DMXL1: variants seen among roughly 807,000 people sequenced by gnomAD.
The protein encoded by DMXL1 is Dmx like 1.
Under a neutral mutation model 319.2 loss-of-function variants are expected in DMXL1, and 99 were observed. That is an observed-to-expected ratio of 0.31 (90% CI 0.26 to 0.37). The LOEUF is 0.37. Ranked by LOEUF, DMXL1 falls within the 10% of genes least tolerant of loss-of-function variation. The pLI is 1.00. For missense variants in DMXL1, 3,745 were observed against 3,595.6 expected (o/e 1.04, Z -1.06); for synonymous variants, 1,385 against 1,235.2 (o/e 1.12, Z -2.54).
In DMXL1 at chr5:119,170,174, A is replaced by G. The variant is rs1194979679; in HGVS notation, c.5399-16A>G. The G allele has an allele frequency of 1.9e-6, 3 of 1,576,934 alleles. No individual in the cohort carries two copies. Among genetic ancestry groups the G allele is most frequent in the East Asian group, 2.2e-5 (1 of 44,666 alleles). ...TTCATAACTTTTCTTGGCTCATAAA[A>G]TGAATTTACTTTCAGATCAAGTTTT... is the stretch of plus-strand genomic sequence containing the variant. On this transcript the variant is annotated splice_polypyrimidine_tract_variant and intron_variant, in intron 23 of 43. Transcript: ENST00000539542.
chr5:119,208,110 TG>T (rs1221251248), intron 34 of DMXL1, among the ~76,000 whole-genome samples: 2 of 152,060 alleles, frequency 1.3e-5, no homozygotes, highest in Admixed American at 1.3e-4. Flanking sequence ...TAGTGGCCTT[TG>T]GGGGTTTTGA....
chr5:119,132,849 T>C (rs1465957877), intron 10 of DMXL1: 2 of 567,474 alleles, frequency 3.5e-6, no homozygotes, highest in East Asian at 7.4e-5. Context: ...AGTTTTCTCC[T>C]TTCATCTGTG....
intron 19 of DMXL1, among the ~76,000 whole-genome samples, chr5:119,160,231 G>C (rs776354594): frequency 1.3e-5 from 2 of 151,908 alleles, no homozygotes; most frequent in African/African-American, 4.8e-5. Context: ...AGCATATTCT[G>C]TTTTTGTATT....
intron 1 of DMXL1, among the ~76,000 whole-genome samples, chr5:119,086,035 T>C (rs1242416601): frequency 1.3e-5 from 2 of 152,156 alleles, no homozygotes; most frequent in African/African-American, 4.8e-5. Context: ...GATAAAGACA[T>C]ACCCAAGACT....
intron 25 of DMXL1, among the ~76,000 whole-genome samples, chr5:119,172,369 T>C (rs1291558386): frequency 6.6e-6 from 1 of 152,160 alleles, no homozygotes; most frequent in Non-Finnish European, 1.5e-5. Context: ...AAATCCACAT[T>C]TTAAGGATAA....
At chr5:119,185,308 C>T (rs761507290) in intron 28 of DMXL1, among the ~76,000 whole-genome samples, 55 of 152,186 alleles carry the variant, frequency 3.6e-4, no homozygotes, top group Non-Finnish European at 4.4e-4. Context: ...TCATTTTGTA[C>T]AACTACCGTG....
intron 19 of DMXL1, among the ~76,000 whole-genome samples, chr5:119,161,970 A>C (rs1225663557): frequency 1.3e-5 from 2 of 152,158 alleles, no homozygotes; most frequent in Non-Finnish European, 2.9e-5. Flanking sequence ...TTTCTACGCA[A>C]CACCAGATGA....
chr5:119,248,480 C>T lies in DMXL1; in HGVS notation c.*1261C>T, dbSNP rs1271224883. On this transcript the variant is annotated 3_prime_UTR_variant, in exon 44 of 44. Coordinates refer to ENST00000539542, the MANE Select transcript of DMXL1 (RefSeq NM_001290321.3). ...AACTTGATAAATACTTGATTTTAAC[C>T]AATGAGACTACAGGCAGATGGGACT... is the stretch of plus-strand genomic sequence containing the variant. 6.6e-6 allele frequency: 1 copy of T among 152,260 alleles called. No individual in the cohort carries two copies. Among genetic ancestry groups the T allele is most frequent in the Non-Finnish European group, 1.5e-5 (1 of 67,874 alleles). The allele number at this position is 152,260 out of a possible 1,614,324, so 9.4% of individuals were successfully genotyped here. A position where few individuals can be genotyped will look rare whatever the true frequency, so the allele number is the denominator to read the frequency against.
chr5:119,147,418 A>C lies in DMXL1; in HGVS notation c.2859A>C (p.Gln953His), dbSNP rs376910484. 6.2e-6 allele frequency: 10 copies of C among 1,613,464 alleles called. No homozygotes were observed. The highest frequency in any genetic ancestry group is 1.3e-5 in the African/African-American group (1 of 74,902). Residue 953 changes from glutamine (Q) to histidine (H), a missense_variant, in exon 17 of 44, where the codon CAA becomes CAC. Transcript: ENST00000539542. Reference sequence around the variant, plus strand: ...TGTTTTCAGAAATGGTTTATAGCCAAGAATTGCATTTACCAGAAGGAGTTG... The same window carrying C: ...TGTTTTCAGAAATGGTTTATAGCCACGAATTGCATTTACCAGAAGGAGTTG... The part of the protein sequence containing the change: ...LTLFSEMVYS[Q>H]ELHLPEGVEI...
rs1016531362 is a variant in DMXL1, at chr5:119,197,910, A to G, written c.7699A>G (p.Ile2567Val). The G allele has an allele frequency of 1.2e-5, 19 of 1,614,072 alleles. No homozygotes were observed. Among genetic ancestry groups the G allele is most frequent in the East Asian group, 4.5e-5 (2 of 44,904 alleles). Residue 2567 changes from isoleucine to valine, a missense_variant, in exon 32 of 44, where the codon ATT (isoleucine) becomes GTT (valine). By Grantham distance (29) the Ile-to-Val change is conservative (BLOSUM62 3). Transcript: ENST00000539542. ...AEESLSAGPA[I>V]LRHKALLEPT... ...AGAGAGTTTGTCTGCAGGTCCTGCAATTCTTCGCCACAAAGCTTTACTGGA... is the reference window on the plus strand; with the variant it reads ...AGAGAGTTTGTCTGCAGGTCCTGCAGTTCTTCGCCACAAAGCTTTACTGGA...
Position 119,110,297 on chromosome 5 carries a change from CA to C in DMXL1, c.497+15del. The C allele has an allele frequency of 6.5e-7, 1 of 1,544,578 alleles. No homozygotes were observed. The highest frequency in any genetic ancestry group is 8.7e-7 in the Non-Finnish European group (1 of 1,154,974). ...TTGGCATTGCAAGTAAGCAATTAAT[CA>C]GGGGAGTAAACTGATAAACCTGTTG... On this transcript the variant is annotated intron_variant, in intron 5 of 43. Coordinates refer to ENST00000539542, the MANE Select transcript of DMXL1 (RefSeq NM_001290321.3).
chr5:119,096,120 A>G (rs2149771879), intron 1 of DMXL1, among the ~76,000 whole-genome samples: 2 of 151,858 alleles, frequency 1.3e-5, no homozygotes, highest in South Asian at 2.1e-4. Context: ...ATATTTTTTG[A>G]TAGAGTATAC....
chr5:119,109,162 A>G (rs1210635486), intron 4 of DMXL1, among the ~76,000 whole-genome samples: 1 of 152,156 alleles, frequency 6.6e-6, no homozygotes, highest in East Asian at 1.9e-4. Context: ...GGTTAACCAC[A>G]CACTTATGGT....
At chr5:119,088,422 TG>T in intron 1 of DMXL1, among the ~76,000 whole-genome samples, 1 of 152,282 alleles carries the variant, frequency 6.6e-6, no homozygotes, top group African/African-American at 2.4e-5. Context: ...TGCCTTCTAA[TG>T]GGAGAATAAA....
At chr5:119,075,467 C>T (rs1333755526) in intron 1 of DMXL1, among the ~76,000 whole-genome samples, 4 of 151,668 alleles carry the variant, frequency 2.6e-5, no homozygotes, top group Non-Finnish European at 5.9e-5. Flanking sequence ...TTGAACTCCT[C>T]ACCTCAAATG....
chr5:119,098,164 C>G (rs1467969104), intron 2 of DMXL1, 60 bp downstream of exon 2: 17 of 1,529,514 alleles, frequency 1.1e-5, no homozygotes, highest in Non-Finnish European at 1.4e-5. Flanking sequence ...TCAGGATAAT[C>G]TCTGAAGTGT....
intron 29 of DMXL1, among the ~76,000 whole-genome samples, chr5:119,193,177 C>T (rs533106364): frequency 6.6e-6 from 1 of 152,126 alleles, no homozygotes; most frequent in Non-Finnish European, 1.5e-5. Context: ...CTACGTACAA[C>T]TTATTGGTGG....
At chr5:119,071,988 T>A (rs2377138) in intron 1 of DMXL1, among the ~76,000 whole-genome samples, 4,552 of 152,228 alleles carry the variant, frequency 0.03, 208 homozygotes, top group African/African-American at 0.1. Context: ...TTTATACCAT[T>A]CTATAGGTTC....
intron 28 of DMXL1, among the ~76,000 whole-genome samples, chr5:119,182,867 A>G (rs1237638167): frequency 6.6e-6 from 1 of 152,188 alleles, no homozygotes; most frequent in East Asian, 1.9e-4. Context: ...CAGCTAAGCA[A>G]TAGCAATTTT....
Sources: allele counts gnomAD v4.1 joint callset (sites outside exome capture counted in the v4.1 genomes callset), GRCh38; gene constraint gnomAD v4.1.1; transcripts MANE v1.5; gene names NCBI Gene and HGNC (gene_info 2026-07-23, HGNC 2026-07-21).